The following PREP variants were observed in gnomAD, a reference collection of about 807,000 sequenced individuals.
The protein encoded by PREP is dJ355L5.1 (prolyl endopeptidase).
PREP carries 29 observed loss-of-function variants against 87.6 expected under a neutral mutation model. That is an observed-to-expected ratio of 0.33 (90% CI 0.25 to 0.45). PREP has a LOEUF of 0.45. Ranked by LOEUF, PREP falls within the 20% of genes least tolerant of loss-of-function variation. The probability of loss-of-function intolerance (pLI) is 1.00; values close to 1 mark genes in which losing one functional copy is unlikely to be tolerated. For missense variants in PREP, 695 were observed against 886.5 expected, an observed-to-expected ratio of 0.78 and a Z score of 2.74; for synonymous variants, 337 against 328.6, an observed-to-expected ratio of 1.03 and a Z score of -0.28.
intron 6 of PREP, among the ~76,000 whole-genome samples, chr6:105,362,112 C>T (rs1428262132): frequency 1.3e-5 from 2 of 152,162 alleles, no homozygotes; most frequent in Non-Finnish European, 2.9e-5. Context: ...ATGATATAGG[C>T]ACTACTGTTT....
At chr6:105,319,542 T>G (rs1022537944) in intron 10 of PREP, among the ~76,000 whole-genome samples, 1 of 152,246 alleles carries the variant, frequency 6.6e-6, no homozygotes, top group Admixed American at 6.5e-5. Context: ...TCAACCACAG[T>G]ACACTATTCC....
intron 2 of PREP, among the ~76,000 whole-genome samples, chr6:105,393,912 A>G (rs1488372188): frequency 1.4e-5 from 2 of 147,364 alleles, no homozygotes; most frequent in Non-Finnish European, 3.0e-5. Context: ...ATAAAATATT[A>G]AGGTATTTTA....
At chr6:105,295,708 G>A (rs1240056114) in intron 10 of PREP, among the ~76,000 whole-genome samples, 2 of 152,130 alleles carry the variant, frequency 1.3e-5, no homozygotes, top group African/African-American at 4.8e-5. Flanking sequence ...AATACACATA[G>A]GAGTTATTAT....
intron 10 of PREP, chr6:105,322,293 C>G (rs186333789): frequency 1.1e-6 from 1 of 920,760 alleles, no homozygotes; most frequent in African/African-American, 1.8e-5. Context: ...TTATTTCTAA[C>G]GTTGATTGAA....
chr6:105,340,594 G>A (rs575773040), intron 7 of PREP, among the ~76,000 whole-genome samples: 151 of 152,234 alleles, frequency 9.9e-4, no homozygotes, highest in African/African-American at 3.4e-3. Flanking sequence ...GACACAGATT[G>A]GCAAATTGGA....
intron 2 of PREP, among the ~76,000 whole-genome samples, chr6:105,391,034 TACACACACACAC>T (rs59538588): frequency 2.1e-5 from 3 of 141,342 alleles, no homozygotes; most frequent in African/African-American, 8.3e-5. Flanking sequence ...TCTGGTTTTA[TACACACACACAC>T]ACACACACAC....
At chr6:105,302,215 C>G (rs1398707416) in intron 10 of PREP, among the ~76,000 whole-genome samples, 1 of 152,190 alleles carries the variant, frequency 6.6e-6, no homozygotes, top group African/African-American at 2.4e-5. Context: ...TTGGTACAGG[C>G]AGAAACTGCC....
At chr6:105,361,070 T>G (rs1198626184) in intron 6 of PREP, among the ~76,000 whole-genome samples, 1 of 152,172 alleles carries the variant, frequency 6.6e-6, no homozygotes, top group Non-Finnish European at 1.5e-5. Flanking sequence ...TTTTAAACAA[T>G]AAACCTATAT....
rs1041967823 is a variant in PREP at position 105,276,288 on chromosome 6, A to C, written c.*1856T>G. On this transcript the variant is annotated 3_prime_UTR_variant, in exon 15 of 15. Coordinates refer to ENST00000652536, the MANE Select transcript of PREP (RefSeq NM_002726.5). The stretch of plus-strand genomic sequence containing the variant: ...TATTACTGTATTCCTCCTCCTCCTC[A>C]TCAGTTGCTAAGTGACATTTGGGAT... Among the ~76,000 whole-genome samples the C allele has an allele frequency of 2.6e-5, 4 of 152,268 alleles. No individual in the cohort carries two copies. The highest frequency in any genetic ancestry group is 2.0e-4 in the Admixed American group (3 of 15,286).
intron 4 of PREP, among the ~76,000 whole-genome samples, chr6:105,375,432 G>A (rs1772664018): frequency 6.6e-6 from 1 of 152,136 alleles, no homozygotes; most frequent in Non-Finnish European, 1.5e-5. Context: ...ATACAGAACT[G>A]GAGAATAACT....
At chr6:105,279,984 T>C (rs955546180) in intron 14 of PREP, among the ~76,000 whole-genome samples, 1 of 152,228 alleles carries the variant, frequency 6.6e-6, no homozygotes, top group Non-Finnish European at 1.5e-5. Flanking sequence ...GAGGCCTGCA[T>C]GTACTGAAAA....
intron 7 of PREP, among the ~76,000 whole-genome samples, chr6:105,350,152 T>C (rs1243759212): frequency 6.6e-6 from 1 of 152,174 alleles, no homozygotes; most frequent in Non-Finnish European, 1.5e-5. Context: ...TCAATCTAGT[T>C]TTCTAAGCTA....
intron 10 of PREP, chr6:105,302,757 C>T (rs563259081): frequency 1.8e-5 from 9 of 498,372 alleles, no homozygotes; most frequent in South Asian, 9.5e-5. Flanking sequence ...ACCTTCAGGT[C>T]GTCCAGCTGT....
chr6:105,384,705 G>A (rs1240627462), intron 2 of PREP, among the ~76,000 whole-genome samples: 1 of 152,198 alleles, frequency 6.6e-6, no homozygotes, highest in Admixed American at 6.5e-5. Context: ...TTTAGGGACA[G>A]AGATGAGTAT....
In PREP at chr6:105,288,789, C is replaced by T. The variant is rs1245201014; in HGVS notation, c.1423G>A (p.Gly475Ser). Reference sequence around the variant, plus strand: ...TTGGGTGTGATGGATATGTTGAAGCCGCCATAGCCATATAAGAAAGCTGGA... The same window carrying T: ...TTGGGTGTGATGGATATGTTGAAGCTGCCATAGCCATATAAGAAAGCTGGA... ...SHPAFLYGYG[G>S]FNISITPNYS... is the part of the protein sequence containing the mutation. Residue 475 changes from glycine to serine, a missense_variant, in exon 11 of 15, where the codon GGC becomes AGC. By Grantham distance (56) the Gly-to-Ser change is moderately conservative. Coordinates refer to ENST00000652536, the MANE Select transcript of PREP (RefSeq NM_002726.5). The T allele has an allele frequency of 3.1e-6, 5 of 1,613,920 alleles. No homozygotes were observed. The highest frequency in any genetic ancestry group is 4.5e-5 in the East Asian group (2 of 44,892).
At chr6:105,367,245 C>T (rs112899659) in intron 6 of PREP, among the ~76,000 whole-genome samples, 23 of 152,128 alleles carry the variant, frequency 1.5e-4, no homozygotes, top group South Asian at 2.1e-4. Context: ...ATCTATGGTA[C>T]GCAGAAGCCT....
At chr6:105,282,035 C>T in intron 13 of PREP, 133 bp from the exon 14 acceptor site, 1 of 1,096,238 alleles carries the variant, frequency 9.1e-7, no homozygotes, top group Non-Finnish European at 1.3e-6. Context: ...AGGAAACCAT[C>T]AGAAATCACC....
At chr6:105,282,412 G>C (rs1269894110) in intron 13 of PREP, 39 bp downstream of exon 13, 5 of 1,596,206 alleles carry the variant, frequency 3.1e-6, no homozygotes, top group Non-Finnish European at 4.3e-6. Flanking sequence ...CCCCAAGAGG[G>C]CTAACTAGTA....
In PREP at chr6:105,317,819, C is replaced by T. The variant is rs1770914389; in HGVS notation, c.1317+5846G>A. Among the ~76,000 whole-genome samples, 4 of 152,264 alleles carry T rather than the reference C, an allele frequency of 2.6e-5. No individual in the cohort carries two copies. In the South Asian group the frequency reaches 6.2e-4, roughly 24 times the overall value. On this transcript the variant is annotated intron_variant, in intron 10 of 14. Coordinates refer to ENST00000652536, the MANE Select transcript of PREP (RefSeq NM_002726.5). ...AATCCCTCAGAGTCCATCCTAATGC[C>T]CAAATATTCCCATACGCTTGCATCA...
Sources: allele counts gnomAD v4.1 joint callset (sites outside exome capture counted in the v4.1 genomes callset), GRCh38; gene constraint gnomAD v4.1.1; transcripts MANE v1.5; gene names NCBI Gene and HGNC (gene_info 2026-07-23, HGNC 2026-07-21).